KPNA1: variants seen among roughly 807,000 people sequenced by gnomAD.
The protein encoded by KPNA1 is karyopherin subunit alpha 1.
KPNA1 carries 10 observed loss-of-function variants against 70.5 expected under a neutral mutation model. The ratio of observed to expected loss-of-function variants is 0.14; its 90% CI spans 0.09 to 0.24. KPNA1 has a LOEUF of 0.24. KPNA1 is among the 10% of genes least tolerant of loss of function. The pLI is 1.00. For synonymous variants in KPNA1, 192 were observed against 221.9 expected (o/e 0.87, Z 1.20); for missense variants, 397 against 637.9 (o/e 0.62, Z 4.07).
At chr3:122,448,055 C>T (rs949319213) in intron 9 of KPNA1, among the ~76,000 whole-genome samples, 1 of 152,142 alleles carries the variant, frequency 6.6e-6, no homozygotes, top group African/African-American at 2.4e-5. Flanking sequence ...ATCAAAACCA[C>T]AATGAGATAC....
intron 1 of KPNA1, among the ~76,000 whole-genome samples, chr3:122,506,298 T>C (rs932354599): frequency 6.6e-6 from 1 of 152,196 alleles, no homozygotes; most frequent in East Asian, 1.9e-4. Flanking sequence ...GTATATGATA[T>C]GCATTTACTA....
intron 2 of KPNA1, among the ~76,000 whole-genome samples, chr3:122,485,815 TAA>T (rs976564395): frequency 3.2e-4 from 48 of 152,220 alleles, no homozygotes; most frequent in African/African-American, 1.1e-3. Context: ...AAGAAGTATA[TAA>T]GATGATAAAT....
At chr3:122,457,468 T>C (rs1345993835) in intron 5 of KPNA1, among the ~76,000 whole-genome samples, 1 of 152,246 alleles carries the variant, frequency 6.6e-6, no homozygotes, top group Non-Finnish European at 1.5e-5. Flanking sequence ...ACTTCTTTTG[T>C]TGTTTTAAAC....
chr3:122,456,290 G>C (rs1469256490), intron 5 of KPNA1, among the ~76,000 whole-genome samples: 1 of 152,076 alleles, frequency 6.6e-6, no homozygotes, highest in Admixed American at 6.6e-5. Flanking sequence ...CACAAGGCAG[G>C]CTCAAAGTTC....
intron 2 of KPNA1, among the ~76,000 whole-genome samples, chr3:122,492,573 C>T (rs1160254064): frequency 6.6e-6 from 1 of 152,172 alleles, no homozygotes. Context: ...GAAGCTTCAA[C>T]ATCCAATGTA....
At chr3:122,459,313 TA>T in intron 5 of KPNA1, 1 of 486,702 alleles carries the variant, frequency 2.1e-6, no homozygotes, top group Non-Finnish European at 2.7e-6. Context: ...ATTTAATGCA[TA>T]AAAGAACTAC....
In KPNA1 at chr3:122,477,743, A is replaced by G. The variant is rs150299448; in HGVS notation, c.130-10314T>C. Among the ~76,000 whole-genome samples, 186 of 152,210 alleles carry G rather than the reference A, an allele frequency of 1.2e-3. 1 individual carries two copies. Among genetic ancestry groups the G allele is most frequent in the African/African-American group, 4.4e-3 (182 of 41,530 alleles). On this transcript the variant is annotated intron_variant, in intron 2 of 13. Coordinates refer to ENST00000344337, the MANE Select transcript of KPNA1 (RefSeq NM_002264.4). Reference sequence around the variant, plus strand: ...TAACACAAAATGATAGGTATATGAGATGATCTGTATATTAATTTGCTTGAT... The same window carrying G: ...TAACACAAAATGATAGGTATATGAGGTGATCTGTATATTAATTTGCTTGAT...
chr3:122,451,054 T>C (rs1056486322), intron 8 of KPNA1, among the ~76,000 whole-genome samples: 8 of 152,132 alleles, frequency 5.3e-5, no homozygotes, highest in African/African-American at 1.9e-4. Flanking sequence ...CGTACACTGC[T>C]TGGGTGTTGG....
intron 9 of KPNA1, among the ~76,000 whole-genome samples, chr3:122,449,262 G>T (rs1211855901): frequency 1.3e-5 from 2 of 152,188 alleles, no homozygotes; most frequent in Non-Finnish European, 2.9e-5. Context: ...GACTATTTTA[G>T]TGGCAGTATG....
In KPNA1 at chr3:122,427,737, A is replaced by T. The variant is rs777206966; in HGVS notation, c.1251-21T>A. On this transcript the variant is annotated intron_variant, in intron 12 of 13. Coordinates refer to ENST00000344337, the MANE Select transcript of KPNA1 (RefSeq NM_002264.4). ...GGTACCTAAATACAAAGAATAATGT[A>T]GTCAAACAAAACTTTTAATTTTGTT... is the stretch of plus-strand genomic sequence containing the variant. 8 of 1,479,696 alleles carry T rather than the reference A, an allele frequency of 5.4e-6. No individual in the cohort carries two copies. The South Asian group carries it at 1.2e-4, about 22-fold the overall frequency. The allele number at this position is 1,479,696 out of a possible 1,614,324, so 91.7% of individuals were successfully genotyped here.
chr3:122,490,845 TTTC>T (rs2076690213), intron 2 of KPNA1, among the ~76,000 whole-genome samples: 1 of 152,150 alleles, frequency 6.6e-6, no homozygotes, highest in Admixed American at 6.5e-5. Flanking sequence ...CTTCTTTAAT[TTTC>T]TTATTTACTT....
intron 2 of KPNA1, among the ~76,000 whole-genome samples, chr3:122,472,699 A>G (rs575680458): frequency 3.2e-4 from 48 of 152,342 alleles, no homozygotes; most frequent in African/African-American, 1.1e-3. Flanking sequence ...GTAGACTAAC[A>G]AAAAGACAGA....
intron 1 of KPNA1, among the ~76,000 whole-genome samples, chr3:122,511,194 GCTGACCCCAAGCTGCCTATT>G (rs1316212092): frequency 4.7e-4 from 72 of 152,184 alleles, no homozygotes; most frequent in East Asian, 2.1e-3. Flanking sequence ...CTGTTCCCTA[GCTGACCCCAAGCTGCCTATT>G]CTGACCCCAA....
chr3:122,482,693 A>G (rs1308322330), intron 2 of KPNA1, among the ~76,000 whole-genome samples: 2 of 152,250 alleles, frequency 1.3e-5, no homozygotes, highest in East Asian at 3.8e-4. Context: ...GCATTTCTAC[A>G]TATTAACAAT....
chr3:122,476,653 A>G (rs1428222701), intron 2 of KPNA1, among the ~76,000 whole-genome samples: 1 of 152,046 alleles, frequency 6.6e-6, no homozygotes, highest in African/African-American at 2.4e-5. Context: ...CAATAAGTAT[A>G]TGAAAAAAAT....
At chr3:122,496,202 T>C (rs1481456770) in intron 2 of KPNA1, among the ~76,000 whole-genome samples, 2 of 151,994 alleles carry the variant, frequency 1.3e-5, no homozygotes, top group East Asian at 1.9e-4. Context: ...TATTGAATAG[T>C]GTAGTTATGC....
At chr3:122,497,444 C>T (rs1313581982) in intron 1 of KPNA1, among the ~76,000 whole-genome samples, 3 of 152,164 alleles carry the variant, frequency 2.0e-5, no homozygotes, top group Non-Finnish European at 4.4e-5. Flanking sequence ...GGTTATATAT[C>T]TAAAATTGCT....
chr3:122,501,001 T>C (rs72960427), intron 1 of KPNA1, among the ~76,000 whole-genome samples: 92 of 150,562 alleles, frequency 6.1e-4, no homozygotes, highest in African/African-American at 2.0e-3. Context: ...GGTTACTGAT[T>C]TGAGATCTTT....
At chr3:122,484,609 C>G (rs1199864417) in intron 2 of KPNA1, among the ~76,000 whole-genome samples, 3 of 151,584 alleles carry the variant, frequency 2.0e-5, no homozygotes, top group Non-Finnish European at 4.4e-5. Flanking sequence ...CACCACTGCA[C>G]TCCAGCCTGG....
Sources: gnomAD v4.1 joint callset for allele counts (sites outside exome capture counted in the v4.1 genomes callset) on GRCh38, gnomAD v4.1.1 for gene constraint, MANE v1.5 for transcripts, NCBI Gene and HGNC (gene_info 2026-07-23, HGNC 2026-07-21) for gene names.